TRUB1: variants seen among roughly 807,000 people sequenced by gnomAD.
TRUB1 encodes the protein pseudouridylate synthase TRUB1.
TRUB1 carries 23 observed loss-of-function variants against 33.9 expected under a neutral mutation model. The observed-to-expected ratio is 0.68, with a 90% confidence interval of 0.49 to 0.96. The LOEUF is 0.96. Among genes scored for constraint, TRUB1 ranks in the 40% least tolerant of loss-of-function variants. TRUB1 has a pLI of 0.00. For missense variants in TRUB1, 378 were observed against 422.2 expected (o/e 0.90, Z 0.92); for synonymous variants, 163 against 165.4 (o/e 0.99, Z 0.11).
At position 114,975,211 on chromosome 10, in the gene TRUB1, A is replaced by G. The variant is rs779950474; in HGVS notation, c.882A>G (p.Lys294=). The G allele has an allele frequency of 7.4e-6, 12 of 1,613,764 alleles. No individual in the cohort carries two copies. Among genetic ancestry groups the G allele is most frequent in the Admixed American group, 3.3e-5 (2 of 59,984 alleles). ...AAGAACATGCCCTTCCTGAAGACAA[A>G]TGGACAATTGATGACATTGCACAGT... ...TLEEHALPED[K]WTIDDIAQSL... The change falls in exon 8 of 8, where the codon AAA becomes AAG. Residue 294 remains lysine, a synonymous_variant. Coordinates refer to ENST00000298746, the MANE Select transcript of TRUB1 (RefSeq NM_139169.5).
intron 1 of TRUB1, among the ~76,000 whole-genome samples, chr10:114,939,090 C>G (rs529219024): frequency 6.6e-6 from 1 of 152,174 alleles, no homozygotes; most frequent in Non-Finnish European, 1.5e-5. Context: ...AACTGCAATT[C>G]TAAATAGTTG....
chr10:114,942,088 T>C (rs1420862183), intron 1 of TRUB1, among the ~76,000 whole-genome samples: 1 of 152,152 alleles, frequency 6.6e-6, no homozygotes, highest in African/African-American at 2.4e-5. Flanking sequence ...CCGGCCTAGA[T>C]TCGCTTCTTT....
intron 2 of TRUB1, among the ~76,000 whole-genome samples, chr10:114,948,033 GA>G (rs1400050802): frequency 6.6e-6 from 1 of 152,166 alleles, no homozygotes; most frequent in African/African-American, 2.4e-5. Flanking sequence ...CTATCTTTTT[GA>G]TTTGAGAATG....
intron 6 of TRUB1, among the ~76,000 whole-genome samples, chr10:114,972,774 T>C (rs2084343268): frequency 1.3e-5 from 2 of 152,158 alleles, no homozygotes; most frequent in Admixed American, 1.3e-4. Context: ...ATCCTGCAAA[T>C]ATGGAAAAAC....
chr10:114,968,980 T>C (rs1204608631), intron 4 of TRUB1, among the ~76,000 whole-genome samples: 1 of 152,178 alleles, frequency 6.6e-6, no homozygotes, highest in African/African-American at 2.4e-5. Flanking sequence ...GGCTGTGAAC[T>C]AAACAGATTA....
intron 4 of TRUB1, among the ~76,000 whole-genome samples, chr10:114,960,292 C>T: frequency 6.6e-6 from 1 of 152,118 alleles, no homozygotes; most frequent in Admixed American, 6.5e-5. Context: ...TGGAAGTAAA[C>T]CAGAACTCAC....
chr10:114,959,482 A>G (rs1299001800), intron 3 of TRUB1, among the ~76,000 whole-genome samples: 3 of 152,226 alleles, frequency 2.0e-5, no homozygotes, highest in African/African-American at 7.2e-5. Context: ...TTATTAAGCC[A>G]TAATTATCAA....
At chr10:114,939,711 G>A (rs1374904053) in intron 1 of TRUB1, among the ~76,000 whole-genome samples, 1 of 152,088 alleles carries the variant, frequency 6.6e-6, no homozygotes, top group Non-Finnish European at 1.5e-5. Context: ...TACAGAGGAC[G>A]TCAAAGTGAG....
chr10:114,942,793 A>G (rs2143020205), intron 2 of TRUB1, 50 bp downstream of exon 2: 1 of 1,185,500 alleles, frequency 8.4e-7, no homozygotes, highest in Non-Finnish European at 1.3e-6. Flanking sequence ...TAATATCAGA[A>G]AGAAACACTG....
At chr10:114,968,072 C>T (rs1337107813) in intron 4 of TRUB1, among the ~76,000 whole-genome samples, 1 of 151,872 alleles carries the variant, frequency 6.6e-6, no homozygotes, top group African/African-American at 2.4e-5. Flanking sequence ...TGGGATAATA[C>T]GTACGTGTGT....
chr10:114,946,124 A>T (rs1170114456), intron 2 of TRUB1, among the ~76,000 whole-genome samples: 1 of 152,192 alleles, frequency 6.6e-6, no homozygotes, highest in Admixed American at 6.5e-5. Flanking sequence ...CTCTAATCAT[A>T]CTTCGGTTTG....
intron 5 of TRUB1, among the ~76,000 whole-genome samples, chr10:114,971,051 A>G (rs894237156): frequency 6.6e-6 from 1 of 152,198 alleles, no homozygotes; most frequent in Admixed American, 6.5e-5. Context: ...TCAGGATCAC[A>G]GTGCAGTGGG....
At chr10:114,957,542 G>A (rs117667397) in intron 3 of TRUB1, among the ~76,000 whole-genome samples, 168 of 152,208 alleles carry the variant, frequency 1.1e-3, no homozygotes, top group Non-Finnish European at 2.0e-3. Context: ...AATTTGTATC[G>A]AGCACCTACT....
chr10:114,946,252 A>G (rs554002207), intron 2 of TRUB1, among the ~76,000 whole-genome samples: 6 of 152,212 alleles, frequency 3.9e-5, no homozygotes, highest in South Asian at 2.1e-4. Flanking sequence ...AACTAAGTCA[A>G]AAGGTTTTCA....
chr10:114,973,106 A>G (rs1350750951), intron 6 of TRUB1, among the ~76,000 whole-genome samples: 1 of 152,052 alleles, frequency 6.6e-6, no homozygotes, highest in African/African-American at 2.4e-5. Flanking sequence ...TTATTGTTTT[A>G]TCTGTGTTGT....
intron 2 of TRUB1, among the ~76,000 whole-genome samples, chr10:114,949,293 G>C (rs548592363): frequency 6.6e-6 from 1 of 152,302 alleles, no homozygotes; most frequent in South Asian, 2.1e-4. Context: ...TTATTTGAAT[G>C]GAATCAAGTC....
chr10:114,972,856 A>G (rs1178544527), intron 6 of TRUB1, among the ~76,000 whole-genome samples: 1 of 152,100 alleles, frequency 6.6e-6, no homozygotes, highest in Non-Finnish European at 1.5e-5. Context: ...TTTAATTTCT[A>G]ATATATATTT....
intron 3 of TRUB1, among the ~76,000 whole-genome samples, chr10:114,953,863 C>G (rs2084248419): frequency 6.6e-6 from 1 of 152,040 alleles, no homozygotes; most frequent in African/African-American, 2.4e-5. Context: ...ACAGCCAGAT[C>G]TCGCGTGAAC....
intron 2 of TRUB1, among the ~76,000 whole-genome samples, 193 bp from the exon 3 acceptor site, chr10:114,950,901 C>T (rs1448030764): frequency 6.6e-6 from 1 of 152,170 alleles, no homozygotes; most frequent in Non-Finnish European, 1.5e-5. Flanking sequence ...TCTCTTGTCC[C>T]TTCTTTAGAA....
Sources: gnomAD v4.1 joint callset for allele counts (sites outside exome capture counted in the v4.1 genomes callset) on GRCh38, gnomAD v4.1.1 for gene constraint, MANE v1.5 for transcripts, NCBI Gene and HGNC (gene_info 2026-07-23, HGNC 2026-07-21) for gene names.